Variants in SNTB1 observed in about 807,000 individuals in gnomAD.
SNTB1 encodes beta-1-syntrophin.
A neutral mutation model predicts 48.9 loss-of-function variants in SNTB1; 36 were observed. That is an observed-to-expected ratio of 0.74 (90% CI 0.56 to 0.97). The LOEUF (loss-of-function observed/expected upper bound fraction) is 0.97. Among genes scored for constraint, SNTB1 ranks in the 50% least tolerant of loss-of-function variants. The pLI is 0.00. For synonymous variants in SNTB1, 299 were observed against 294.6 expected, an observed-to-expected ratio of 1.01 and a Z score of -0.15; for missense variants, 786 against 703.4, an observed-to-expected ratio of 1.12 and a Z score of -1.33.
At chr8:120,720,062 G>A (rs1818632856) in intron 1 of SNTB1, among the ~76,000 whole-genome samples, 1 of 152,206 alleles carries the variant, frequency 6.6e-6, no homozygotes, top group Non-Finnish European at 1.5e-5. Context: ...TCCAGTGATC[G>A]GTGATGCAGT....
chr8:120,565,800 C>A (rs1023160101), intron 4 of SNTB1, among the ~76,000 whole-genome samples: 3 of 152,160 alleles, frequency 2.0e-5, no homozygotes, highest in Non-Finnish European at 2.9e-5. Flanking sequence ...TGTGTCCCCC[C>A]AAAATTCATG....
At chr8:120,646,679 T>C (rs1056458927) in intron 2 of SNTB1, among the ~76,000 whole-genome samples, 5 of 151,830 alleles carry the variant, frequency 3.3e-5, no homozygotes, top group African/African-American at 1.2e-4. Context: ...GCTGGCCTCA[T>C]AAAATGAGTT....
chr8:120,659,371 A>G (rs1471754216), intron 2 of SNTB1, among the ~76,000 whole-genome samples: 1 of 152,192 alleles, frequency 6.6e-6, no homozygotes, highest in Non-Finnish European at 1.5e-5. Flanking sequence ...GCTCATCCAT[A>G]AGAAACGACG....
chr8:120,739,216 C>T (rs1425032156), intron 1 of SNTB1, among the ~76,000 whole-genome samples: 4 of 152,192 alleles, frequency 2.6e-5, no homozygotes, highest in Non-Finnish European at 5.9e-5. Flanking sequence ...TTTATTTATA[C>T]TCAATTTACC....
intron 4 of SNTB1, among the ~76,000 whole-genome samples, chr8:120,560,389 A>G (rs1815632269): frequency 6.6e-6 from 1 of 152,210 alleles, no homozygotes; most frequent in Non-Finnish European, 1.5e-5. Flanking sequence ...AGGCTGAGGT[A>G]GGAGAATCGC....
chr8:120,643,282 G>T (rs1024319211), intron 2 of SNTB1, among the ~76,000 whole-genome samples: 3 of 152,186 alleles, frequency 2.0e-5, no homozygotes, highest in African/African-American at 7.2e-5. Context: ...CTGATTTTTA[G>T]ATTTCAATAG....
chr8:120,561,794 T>C (rs573616855), intron 4 of SNTB1, among the ~76,000 whole-genome samples: 100 of 152,322 alleles, frequency 6.6e-4, no homozygotes, highest in Non-Finnish European at 9.7e-4. Context: ...CTCTATTTCA[T>C]ACCGCCTCCA....
chr8:120,594,034 T>C (rs1262432505), intron 3 of SNTB1, among the ~76,000 whole-genome samples: 1 of 151,926 alleles, frequency 6.6e-6, no homozygotes, highest in Non-Finnish European at 1.5e-5. Flanking sequence ...ATATCTCTTC[T>C]AAGGAGCTCA....
intron 3 of SNTB1, among the ~76,000 whole-genome samples, chr8:120,588,114 C>A (rs1048268527): frequency 6.6e-6 from 1 of 152,062 alleles, no homozygotes; most frequent in Non-Finnish European, 1.5e-5. Context: ...TGTTTTGTTT[C>A]CAAAGGATAA....
intron 1 of SNTB1, among the ~76,000 whole-genome samples, chr8:120,794,529 T>C (rs1360817040): frequency 6.6e-6 from 1 of 152,046 alleles, no homozygotes; most frequent in East Asian, 1.9e-4. Context: ...ATATGTACTA[T>C]GAGGTGCAAG....
At chr8:120,808,159 C>T in intron 1 of SNTB1, among the ~76,000 whole-genome samples, 1 of 152,122 alleles carries the variant, frequency 6.6e-6, no homozygotes, top group Middle Eastern at 3.2e-3. Flanking sequence ...GTGATCTGCC[C>T]ACCTCAGCTT....
intron 2 of SNTB1, among the ~76,000 whole-genome samples, chr8:120,643,322 A>C (rs1462402832): frequency 6.6e-6 from 1 of 152,186 alleles, no homozygotes. Context: ...TTTTGGTTAC[A>C]TGGATAAGTT....
intron 1 of SNTB1, among the ~76,000 whole-genome samples, chr8:120,722,531 G>A (rs1818680417): frequency 2.0e-5 from 3 of 152,172 alleles, no homozygotes; most frequent in South Asian, 2.1e-4. Flanking sequence ...TCTTTCGGCT[G>A]CATAAATGTC....
At chr8:120,660,730 C>G (rs564032468) in intron 2 of SNTB1, among the ~76,000 whole-genome samples, 2 of 152,314 alleles carry the variant, frequency 1.3e-5, no homozygotes, top group East Asian at 3.9e-4. Context: ...TTTTGACATG[C>G]CTTCCTCACT....
At chr8:120,760,753 T>C (rs1587139905) in intron 1 of SNTB1, among the ~76,000 whole-genome samples, 1 of 152,104 alleles carries the variant, frequency 6.6e-6, no homozygotes, top group Non-Finnish European at 1.5e-5. Flanking sequence ...TAAGATTTTA[T>C]CAGAAAGAGC....
chr8:120,795,719 G>A (rs1820110165), intron 1 of SNTB1, among the ~76,000 whole-genome samples: 1 of 152,054 alleles, frequency 6.6e-6, no homozygotes, highest in South Asian at 2.1e-4. Context: ...AAAAGTTCAA[G>A]ATCCAGGTGT....
intron 1 of SNTB1, among the ~76,000 whole-genome samples, chr8:120,740,422 G>A (rs529484351): frequency 1.3e-5 from 2 of 152,310 alleles, no homozygotes; most frequent in East Asian, 3.9e-4. Flanking sequence ...TATTTACGGA[G>A]CATTTCCATG....
At chr8:120,771,973 G>A (rs1284537905) in intron 1 of SNTB1, among the ~76,000 whole-genome samples, 1 of 150,838 alleles carries the variant, frequency 6.6e-6, no homozygotes, top group African/African-American at 2.4e-5. Flanking sequence ...GGGCTCAAGC[G>A]ACCCTCCTGC....
chr8:120,653,433 A>T (rs1039300741), intron 2 of SNTB1, among the ~76,000 whole-genome samples: 1 of 152,240 alleles, frequency 6.6e-6, no homozygotes, highest in East Asian at 1.9e-4. Flanking sequence ...AGAGGTATGA[A>T]ATGGTTTCTC....
Sources: gnomAD v4.1 joint callset for allele counts (sites outside exome capture counted in the v4.1 genomes callset) on GRCh38, gnomAD v4.1.1 for gene constraint, MANE v1.5 for transcripts, NCBI Gene and HGNC (gene_info 2026-07-23, HGNC 2026-07-21) for gene names.